The following WWC2 variants were observed in gnomAD, a reference collection of about 807,000 sequenced individuals.
WWC2 encodes protein WWC2.
Under a neutral mutation model 138.5 loss-of-function variants are expected in WWC2, and 101 were observed. The observed-to-expected ratio is 0.73, with a 90% confidence interval of 0.62 to 0.86. The LOEUF (loss-of-function observed/expected upper bound fraction) is 0.86. Ranked by LOEUF, WWC2 falls within the 40% of genes least tolerant of loss-of-function variation. The pLI, the probability that WWC2 is intolerant of heterozygous loss-of-function variation, is 0.00. For missense variants in WWC2, 1,420 were observed against 1,419.4 expected (o/e 1.00, Z -0.01); for synonymous variants, 558 against 538.4 (o/e 1.04, Z -0.50).
chr4:183,302,892 C>T (rs1046287380), intron 21 of WWC2, among the ~76,000 whole-genome samples: 5 of 151,908 alleles, frequency 3.3e-5, no homozygotes, highest in Admixed American at 6.6e-5. Context: ...GGTGAAACCC[C>T]GTTTCTACTA....
intron 1 of WWC2, among the ~76,000 whole-genome samples, chr4:183,116,204 GT>G (rs1732404104): frequency 6.6e-6 from 1 of 152,124 alleles, no homozygotes; most frequent in South Asian, 2.1e-4. Context: ...GTGTGTGTCT[GT>G]TTTTGCACCA....
chr4:183,311,884 G>T (rs1428358598), intron 21 of WWC2, among the ~76,000 whole-genome samples: 1 of 152,020 alleles, frequency 6.6e-6, no homozygotes, highest in African/African-American at 2.4e-5. Context: ...GCATGTGCAG[G>T]TTTTTTGATT....
At chr4:183,231,373 G>T (rs552912941) in intron 4 of WWC2, among the ~76,000 whole-genome samples, 1 of 148,436 alleles carries the variant, frequency 6.7e-6, no homozygotes, top group East Asian at 2.0e-4. Flanking sequence ...GTGTTCAGGC[G>T]ATTCTTGTGC....
chr4:183,231,163 GGCTTATCCTAGGAA>G (rs1736232647), intron 4 of WWC2, among the ~76,000 whole-genome samples: 1 of 151,456 alleles, frequency 6.6e-6, no homozygotes, highest in African/African-American at 2.4e-5. Flanking sequence ...AGCTAAGGTG[GGCTTATCCTAGGAA>G]TATACAATTT....
Position 183,320,299 on chromosome 4 carries a change from C to A in WWC2, c.*4570C>A. 1 of 1,257,070 alleles carries A rather than the reference C, an allele frequency of 8.0e-7. No individual in the cohort carries two copies. The allele number at this position is 1,257,070 out of a possible 1,614,324, so 77.9% of individuals were successfully genotyped here. A position where few individuals can be genotyped will look rare whatever the true frequency, so the allele number is the denominator to read the frequency against. On this transcript the variant is annotated 3_prime_UTR_variant, in exon 23 of 23. Coordinates refer to ENST00000403733, the MANE Select transcript of WWC2 (RefSeq NM_024949.6). The stretch of plus-strand genomic sequence containing the variant: ...AAGAAGTGTGACACTTGTGTTATAA[C>A]TTATGAAACTCAGAAATATTTCTTC...
intron 1 of WWC2, among the ~76,000 whole-genome samples, chr4:183,173,213 T>C (rs760446333): frequency 5.9e-5 from 9 of 152,054 alleles, no homozygotes; most frequent in Non-Finnish European, 1.2e-4. Flanking sequence ...CCTGGCTAAT[T>C]TTTTAATTTC....
At chr4:183,208,183 T>C (rs745976093) in intron 3 of WWC2, 27 bp downstream of exon 3, 18 of 1,609,896 alleles carry the variant, frequency 1.1e-5, no homozygotes, top group Non-Finnish European at 1.5e-5. Context: ...TATTCAGACT[T>C]TGGAAGTGGA....
At chr4:183,159,837 A>G (rs1733909645) in intron 1 of WWC2, among the ~76,000 whole-genome samples, 1 of 151,748 alleles carries the variant, frequency 6.6e-6, no homozygotes, top group African/African-American at 2.4e-5. Flanking sequence ...TGTATAATGA[A>G]TTTGTCCATA....
At chr4:183,250,669 G>C (rs192459481) in intron 8 of WWC2, among the ~76,000 whole-genome samples, 2 of 152,046 alleles carry the variant, frequency 1.3e-5, no homozygotes, top group East Asian at 3.9e-4. Flanking sequence ...TCATAATATA[G>C]AACTCCTTAT....
In WWC2 at chr4:183,148,287, AT is replaced by A. The variant is rs2111110292; in HGVS notation, c.132-45310del. On this transcript the variant is annotated intron_variant, in intron 1 of 22. Coordinates refer to ENST00000403733, the MANE Select transcript of WWC2 (RefSeq NM_024949.6). Reference sequence around the variant, plus strand: ...GATGATATTATTCCTTATTTATATCATTGCTGATGAATAGTGAATTTTAGTA... The same window carrying A: ...GATGATATTATTCCTTATTTATATCATGCTGATGAATAGTGAATTTTAGTA... Among the ~76,000 whole-genome samples, 2 of 152,348 alleles carry A rather than the reference AT, an allele frequency of 1.3e-5. 1 individual carries two copies. The highest frequency in any genetic ancestry group is 4.8e-5 in the African/African-American group (2 of 41,584).
At chr4:183,247,602 ATG>A (rs1241113385) in intron 6 of WWC2, among the ~76,000 whole-genome samples, 7 of 134,344 alleles carry the variant, frequency 5.2e-5, no homozygotes, top group African/African-American at 2.1e-4. Flanking sequence ...TATGCTATAT[ATG>A]CTATATATAC....
At position 183,282,919 on chromosome 4, in the gene WWC2, CTG is replaced by C; in HGVS notation, c.2883+16_2883+17del. ...AATACCAACACTGGTGACTATTCCG[CTG>C]TGCTGTCTTAAAACTGATACCTTAC... is the stretch of plus-strand genomic sequence containing the variant. On this transcript the variant is annotated intron_variant, in intron 18 of 22. Transcript: ENST00000403733. 6.4e-7 allele frequency: 1 copy of C among 1,562,046 alleles called. No homozygotes were observed.
At chr4:183,241,684 G>C (rs1467595462) in intron 5 of WWC2, among the ~76,000 whole-genome samples, 1 of 152,150 alleles carries the variant, frequency 6.6e-6, no homozygotes, top group African/African-American at 2.4e-5. Flanking sequence ...AAGAACCTCA[G>C]CTGGTTGCAG....
At chr4:183,166,554 T>C (rs982502050) in intron 1 of WWC2, among the ~76,000 whole-genome samples, 2 of 152,216 alleles carry the variant, frequency 1.3e-5, no homozygotes, top group Non-Finnish European at 2.9e-5. Context: ...CCTGAGTTCG[T>C]GTATATTTGA....
intron 1 of WWC2, among the ~76,000 whole-genome samples, chr4:183,138,673 G>A (rs1466000036): frequency 6.6e-6 from 1 of 152,130 alleles, no homozygotes; most frequent in Non-Finnish European, 1.5e-5. Context: ...TATCTAATTA[G>A]GTGAAAGTCT....
intron 1 of WWC2, among the ~76,000 whole-genome samples, chr4:183,179,766 G>A (rs572104693): frequency 6.6e-6 from 1 of 152,128 alleles, no homozygotes; most frequent in Non-Finnish European, 1.5e-5. Flanking sequence ...TGATCAGGGA[G>A]ATGCTCTCTG....
intron 22 of WWC2, 34 bp from the exon 23 acceptor site, chr4:183,315,629 A>G: frequency 6.4e-7 from 1 of 1,569,338 alleles, no homozygotes. Context: ...TTAGCATCAT[A>G]TATAAGTCAA....
chr4:183,295,987 G>A (rs927209584), intron 21 of WWC2, among the ~76,000 whole-genome samples: 1 of 152,192 alleles, frequency 6.6e-6, no homozygotes, highest in African/African-American at 2.4e-5. Context: ...GTGTGACATG[G>A]GTGGTATTTT....
intron 14 of WWC2, among the ~76,000 whole-genome samples, chr4:183,268,417 T>C (rs1338053636): frequency 6.6e-6 from 1 of 152,242 alleles, no homozygotes; most frequent in African/African-American, 2.4e-5. Context: ...TTGGAGATGC[T>C]AGACAGTGAT....
Sources: gnomAD v4.1 joint callset for allele counts (sites outside exome capture counted in the v4.1 genomes callset) on GRCh38, gnomAD v4.1.1 for gene constraint, MANE v1.5 for transcripts, NCBI Gene and HGNC (gene_info 2026-07-23, HGNC 2026-07-21) for gene names.